Variants in AUTS2 observed in about 807,000 individuals in gnomAD.
The protein encoded by AUTS2 is autism susceptibility gene 2 protein.
Under a neutral mutation model 112.4 loss-of-function variants are expected in AUTS2, and 17 were observed. The ratio of observed to expected loss-of-function variants is 0.15; its 90% CI spans 0.10 to 0.23. AUTS2 has a LOEUF of 0.23. Among genes scored for constraint, AUTS2 ranks in the 10% least tolerant of loss-of-function variants. The pLI, the probability that AUTS2 is intolerant of heterozygous loss-of-function variation, is 1.00. For synonymous variants in AUTS2, 751 were observed against 702.7 expected, an observed-to-expected ratio of 1.07 and a Z score of -1.09; for missense variants, 1,510 against 1,701.6, an observed-to-expected ratio of 0.89 and a Z score of 1.98.
At chr7:69,927,579 G>A (rs1421935612) in intron 2 of AUTS2, among the ~76,000 whole-genome samples, 1 of 152,068 alleles carries the variant, frequency 6.6e-6, no homozygotes, top group Non-Finnish European at 1.5e-5. Flanking sequence ...CACCCACTCT[G>A]CCCGACAGGC....
intron 4 of AUTS2, among the ~76,000 whole-genome samples, chr7:70,279,191 C>T (rs1788085649): frequency 6.6e-6 from 1 of 152,134 alleles, no homozygotes; most frequent in African/African-American, 2.4e-5. Flanking sequence ...CTGCCTTTTG[C>T]AGCTTATTTG....
At chr7:69,908,506 C>T (rs1038930455) in intron 2 of AUTS2, among the ~76,000 whole-genome samples, 4 of 152,196 alleles carry the variant, frequency 2.6e-5, no homozygotes, top group Non-Finnish European at 5.9e-5. Context: ...CAAAATAGCT[C>T]ACAAATGTGG....
chr7:69,932,753 C>G (rs1386796759), intron 2 of AUTS2, among the ~76,000 whole-genome samples: 2 of 152,196 alleles, frequency 1.3e-5, no homozygotes, highest in African/African-American at 4.8e-5. Flanking sequence ...TGAGTTAGAA[C>G]AAATAATTGT....
At chr7:70,011,497 A>G (rs962962198) in intron 2 of AUTS2, among the ~76,000 whole-genome samples, 3 of 152,230 alleles carry the variant, frequency 2.0e-5, no homozygotes, top group African/African-American at 7.2e-5. Flanking sequence ...CTGTTTTCCC[A>G]TGAATAGATG....
intron 5 of AUTS2, among the ~76,000 whole-genome samples, chr7:70,618,468 A>G (rs112235925): frequency 0.013 from 1,918 of 152,258 alleles, 24 homozygotes; most frequent in South Asian, 0.043. Flanking sequence ...GACCCTCATT[A>G]ACCAAGAGGA....
At chr7:70,581,087 A>G (rs1418322281) in intron 5 of AUTS2, among the ~76,000 whole-genome samples, 1 of 152,188 alleles carries the variant, frequency 6.6e-6, no homozygotes, top group African/African-American at 2.4e-5. Flanking sequence ...GCTTCAAAAA[A>G]AATTTTAAAA....
At chr7:70,343,349 T>C (rs1791356893) in intron 4 of AUTS2, among the ~76,000 whole-genome samples, 2 of 152,194 alleles carry the variant, frequency 1.3e-5, no homozygotes, top group African/African-American at 4.8e-5. Flanking sequence ...GAATTAATCC[T>C]GCTTAAAGGA....
chr7:69,701,723 T>C (rs1490344718), intron 1 of AUTS2, among the ~76,000 whole-genome samples: 1 of 152,248 alleles, frequency 6.6e-6, no homozygotes, highest in Admixed American at 6.5e-5. Flanking sequence ...TTATGTATTT[T>C]ATTTTATCTC....
intron 4 of AUTS2, among the ~76,000 whole-genome samples, chr7:70,231,481 C>T (rs747200300): frequency 2.0e-5 from 3 of 152,002 alleles, no homozygotes; most frequent in African/African-American, 4.8e-5. Flanking sequence ...CTCACTCTGT[C>T]GCCCAGGCTG....
chr7:69,632,610 C>G (rs1462489149), intron 1 of AUTS2, among the ~76,000 whole-genome samples: 1 of 149,732 alleles, frequency 6.7e-6, no homozygotes, highest in South Asian at 2.2e-4. Context: ...CCCCTCTCCC[C>G]TCTTCCCTCT....
intron 1 of AUTS2, among the ~76,000 whole-genome samples, chr7:69,600,896 A>G (rs768131931): frequency 1.1e-4 from 17 of 148,076 alleles, no homozygotes; most frequent in Non-Finnish European, 2.1e-4. Context: ...GTGTGTGTCT[A>G]TGTGTGTGTC....
chr7:70,266,895 C>G (rs1316625972), intron 4 of AUTS2, among the ~76,000 whole-genome samples: 1 of 152,166 alleles, frequency 6.6e-6, no homozygotes, highest in Non-Finnish European at 1.5e-5. Context: ...TCTGCACTTC[C>G]ATGTTGTGTT....
At chr7:70,404,315 A>G (rs941744256) in intron 4 of AUTS2, among the ~76,000 whole-genome samples, 2 of 152,188 alleles carry the variant, frequency 1.3e-5, no homozygotes, top group African/African-American at 4.8e-5. Context: ...CCAGTTTCCT[A>G]AATTTCCTGA....
chr7:70,707,925 T>G (rs1809826301), intron 6 of AUTS2, among the ~76,000 whole-genome samples: 1 of 152,206 alleles, frequency 6.6e-6, no homozygotes, highest in African/African-American at 2.4e-5. Context: ...TAACAGGGAA[T>G]GGCGTTCTGT....
chr7:69,891,883 C>T (rs997957780), intron 1 of AUTS2, among the ~76,000 whole-genome samples: 10 of 134,050 alleles, frequency 7.5e-5, no homozygotes, highest in Non-Finnish European at 7.7e-5. Flanking sequence ...AACCTTTGCC[C>T]TCTGGGTTCA....
At chr7:70,096,511 A>G (rs929437510) in intron 2 of AUTS2, among the ~76,000 whole-genome samples, 24 of 151,552 alleles carry the variant, frequency 1.6e-4, no homozygotes, top group African/African-American at 5.3e-4. Flanking sequence ...AGGTAGGAGA[A>G]TCGCTTGAAC....
chr7:69,971,645 T>C (rs1381229955), intron 2 of AUTS2, among the ~76,000 whole-genome samples: 2 of 152,196 alleles, frequency 1.3e-5, no homozygotes, highest in Admixed American at 6.5e-5. Flanking sequence ...ACTCCTGATA[T>C]GCAATCACTT....
At chr7:69,865,853 A>G (rs1793202897) in intron 1 of AUTS2, among the ~76,000 whole-genome samples, 2 of 152,148 alleles carry the variant, frequency 1.3e-5, no homozygotes, top group African/African-American at 4.8e-5. Flanking sequence ...TCTTCCAGAA[A>G]TTTTATTAGA....
chr7:70,729,374 G>C lies in AUTS2; in HGVS notation c.742+30754G>C, dbSNP rs569505556. Among the ~76,000 whole-genome samples the C allele has an allele frequency of 2.0e-5, 3 of 152,218 alleles. No individual in the cohort carries two copies. In the South Asian group the frequency reaches 6.2e-4, roughly 32 times the overall value. On this transcript the variant is annotated intron_variant, in intron 6 of 18. Transcript: ENST00000342771. ...CCAGATGCCCTGTTACTTCCCCAGG[G>C]GTCTCCTCCTTCCCACACTTCATGA...
Sources: allele counts gnomAD v4.1 joint callset (sites outside exome capture counted in the v4.1 genomes callset), GRCh38; gene constraint gnomAD v4.1.1; transcripts MANE v1.5; gene names NCBI Gene and HGNC (gene_info 2026-07-23, HGNC 2026-07-21).